The following RAD51B variants were observed in gnomAD, a reference collection of about 807,000 sequenced individuals.
RAD51B encodes RAD51 paralog B.
RAD51B carries 38 observed loss-of-function variants against 42.2 expected under a neutral mutation model. The ratio of observed to expected loss-of-function variants is 0.90; its 90% CI spans 0.70 to 1.18. RAD51B has a LOEUF of 1.18. Among genes scored for constraint, RAD51B ranks in the 50% most tolerant of loss-of-function variants. The pLI, the probability that RAD51B is intolerant of heterozygous loss-of-function variation, is 0.00. For missense variants in RAD51B, 373 were observed against 400.7 expected (o/e 0.93, Z 0.59); for synonymous variants, 154 against 145.2 (o/e 1.06, Z -0.43).
intron 4 of RAD51B, among the ~76,000 whole-genome samples, chr14:67,854,338 T>C (rs543935842): frequency 6.6e-6 from 1 of 152,336 alleles, no homozygotes; most frequent in South Asian, 2.1e-4. Flanking sequence ...ATTAAAGTTA[T>C]ATTTAAAGAT....
chr14:68,470,814 G>A (rs191619620), intron 10 of RAD51B: 4 of 405,956 alleles, frequency 9.9e-6, no homozygotes, highest in African/African-American at 2.0e-5. Flanking sequence ...ACCATCCTGC[G>A]GGATCTCTAA....
intron 7 of RAD51B, among the ~76,000 whole-genome samples, chr14:68,179,753 T>C (rs2079025442): frequency 6.6e-6 from 1 of 152,226 alleles, no homozygotes; most frequent in African/African-American, 2.4e-5. Flanking sequence ...ATTGTAACTT[T>C]TAGGAGTAAG....
At chr14:68,551,791 G>A (rs774585448) in intron 10 of RAD51B, among the ~76,000 whole-genome samples, 4 of 152,178 alleles carry the variant, frequency 2.6e-5, no homozygotes, top group African/African-American at 7.2e-5. Context: ...TCTCTCCCCA[G>A]ATGCATCTTC....
intron 10 of RAD51B, among the ~76,000 whole-genome samples, chr14:68,604,410 C>A (rs1456628835): frequency 6.6e-6 from 1 of 152,214 alleles, no homozygotes; most frequent in African/African-American, 2.4e-5. Context: ...TCGGTGGCCA[C>A]TGAGCCCATC....
intron 10 of RAD51B, among the ~76,000 whole-genome samples, chr14:68,524,773 T>G (rs1277991864): frequency 6.6e-6 from 1 of 152,224 alleles, no homozygotes; most frequent in Non-Finnish European, 1.5e-5. Context: ...TGGACGTAGC[T>G]GTAGTTCTTT....
intron 10 of RAD51B, among the ~76,000 whole-genome samples, chr14:68,547,047 C>G (rs1247198212): frequency 2.0e-5 from 3 of 152,088 alleles, no homozygotes; most frequent in African/African-American, 7.2e-5. Context: ...TTTTTTTGTG[C>G]AACTCCAACT....
At chr14:68,584,886 G>C (rs1477375544) in intron 10 of RAD51B, among the ~76,000 whole-genome samples, 5 of 152,182 alleles carry the variant, frequency 3.3e-5, no homozygotes, top group Non-Finnish European at 7.4e-5. Flanking sequence ...CTGAACATGA[G>C]GAAACCGAGA....
At chr14:67,994,738 A>T (rs906192064) in intron 7 of RAD51B, among the ~76,000 whole-genome samples, 1 of 152,182 alleles carries the variant, frequency 6.6e-6, no homozygotes, top group African/African-American at 2.4e-5. Flanking sequence ...CAATCTTCCC[A>T]TCTGCAACTG....
At chr14:68,639,987 A>C (rs1374725589) in intron 10 of RAD51B, among the ~76,000 whole-genome samples, 1 of 151,936 alleles carries the variant, frequency 6.6e-6, no homozygotes, top group East Asian at 1.9e-4. Flanking sequence ...TTTTTAGTGG[A>C]GATGGGGTTT....
Position 68,119,305 on chromosome 14 carries a change from TTTTTA to T in RAD51B, c.757-172561_757-172557del, listed in dbSNP as rs752968204. 1.7e-3 allele frequency among the ~76,000 whole-genome samples: 262 copies of T among 150,860 alleles called. 1 individual carries two copies. Among genetic ancestry groups the T allele is most frequent in the Middle Eastern group, 3.4e-3 (1 of 292 alleles). ...TACAACTATTTTATCATTTATTTAT[TTTTTA>T]TTTTATTTTATTTTATTATTATTAT... On this transcript the variant is annotated intron_variant, in intron 7 of 10. Transcript: ENST00000471583.
intron 10 of RAD51B, among the ~76,000 whole-genome samples, chr14:68,577,711 C>G (rs1890026138): frequency 6.6e-6 from 1 of 152,080 alleles, no homozygotes. Flanking sequence ...CTTATTGTTA[C>G]CAGATACATT....
intron 7 of RAD51B, among the ~76,000 whole-genome samples, chr14:68,042,092 C>CT: frequency 6.6e-6 from 1 of 152,286 alleles, no homozygotes; most frequent in African/African-American, 2.4e-5. Context: ...CATGAGTATA[C>CT]TGTCTGTGTG....
At chr14:68,250,878 G>A (rs1219066733) in intron 7 of RAD51B, among the ~76,000 whole-genome samples, 1 of 152,152 alleles carries the variant, frequency 6.6e-6, no homozygotes, top group Non-Finnish European at 1.5e-5. Context: ...GCAGCCAGAG[G>A]TTACCAGAAG....
chr14:68,675,483 A>C (rs1469649321), intron 11 of RAD51B, among the ~76,000 whole-genome samples: 1 of 152,198 alleles, frequency 6.6e-6, no homozygotes, highest in African/African-American at 2.4e-5. Context: ...AGTAACACAA[A>C]GTGCTAAGAG....
chr14:68,146,247 T>A (rs1051485056), intron 7 of RAD51B, among the ~76,000 whole-genome samples: 1 of 152,104 alleles, frequency 6.6e-6, no homozygotes, highest in African/African-American at 2.4e-5. Context: ...CTCAGGAGTT[T>A]GAGACCAGCT....
chr14:68,586,953 C>T (rs1475928404), intron 10 of RAD51B, among the ~76,000 whole-genome samples: 4 of 151,702 alleles, frequency 2.6e-5, no homozygotes, highest in East Asian at 1.9e-4. Flanking sequence ...TGCAGTGAGT[C>T]GAGATCACGC....
At chr14:68,006,849 T>G (rs1441147236) in intron 7 of RAD51B, among the ~76,000 whole-genome samples, 2 of 152,158 alleles carry the variant, frequency 1.3e-5, no homozygotes, top group Non-Finnish European at 2.9e-5. Flanking sequence ...TGTTCCATTT[T>G]TAATGTTTTA....
At chr14:68,063,236 C>G (rs1042996029) in intron 7 of RAD51B, among the ~76,000 whole-genome samples, 1 of 151,818 alleles carries the variant, frequency 6.6e-6, no homozygotes, top group Non-Finnish European at 1.5e-5. Flanking sequence ...TATTTTTGCT[C>G]TAATCTTTAT....
downstream of RAD51B, among the ~76,000 whole-genome samples, chr14:68,613,660 T>C (rs555272976): frequency 1.2e-4 from 19 of 152,068 alleles, no homozygotes; most frequent in East Asian, 3.9e-4. Context: ...TTCACCGTGT[T>C]AGCCAGGATG....
Sources: allele counts gnomAD v4.1 joint callset (sites outside exome capture counted in the v4.1 genomes callset), GRCh38; gene constraint gnomAD v4.1.1; transcripts MANE v1.5; gene names NCBI Gene and HGNC (gene_info 2026-07-23, HGNC 2026-07-21).